Variants in ERMARD observed in about 807,000 individuals in gnomAD.
ERMARD encodes ER membrane associated RNA degradation.
In ERMARD, 71 loss-of-function variants were observed where a neutral mutation model predicts 83.9. That is an observed-to-expected ratio of 0.85 (90% CI 0.70 to 1.03). The LOEUF is 1.03. Ranked by LOEUF, ERMARD falls within the 50% of genes least tolerant of loss-of-function variation. The probability of loss-of-function intolerance (pLI) is 0.00; values close to 1 mark genes in which losing one functional copy is unlikely to be tolerated. For missense variants in ERMARD, 838 were observed against 810.9 expected, an observed-to-expected ratio of 1.03 and a Z score of -0.41; for synonymous variants, 284 against 298.6, an observed-to-expected ratio of 0.95 and a Z score of 0.50.
chr6:169,777,967 T>C (rs1793783642), intron 16 of ERMARD, among the ~76,000 whole-genome samples: 1 of 152,250 alleles, frequency 6.6e-6, no homozygotes, highest in Non-Finnish European at 1.5e-5. Flanking sequence ...TGTGGGTGGC[T>C]GGAGCCTATC....
chr6:169,767,016 T>C (rs1792293697), intron 10 of ERMARD: 1 of 203,256 alleles, frequency 4.9e-6, no homozygotes, highest in South Asian at 1.7e-4. Context: ...GTGGGATACA[T>C]TGATTCATTT....
Position 169,781,600 on chromosome 6 carries a change from C to T in ERMARD, c.*87C>T. On this transcript the variant is annotated 3_prime_UTR_variant, in exon 18 of 18. Coordinates refer to ENST00000366773, the MANE Select transcript of ERMARD (RefSeq NM_018341.3). The stretch of plus-strand genomic sequence containing the variant: ...CCAAAGACAGGGTGGAGTTGAGGGT[C>T]TGCTTGGCCAGGGTCCAGGTTCTGT... The T allele has an allele frequency of 1.6e-6, 2 of 1,280,514 alleles. No individual in the cohort carries two copies. The highest frequency in any genetic ancestry group is 1.1e-6 in the Non-Finnish European group (1 of 943,264). 79.3% of individuals were successfully genotyped at this position (1,280,514 alleles called of 1,614,324 possible). A position where few individuals can be genotyped will look rare whatever the true frequency, so the allele number is the denominator to read the frequency against.
At chr6:169,765,717 G>C (rs574794987) in intron 9 of ERMARD, among the ~76,000 whole-genome samples, 1 of 152,326 alleles carries the variant, frequency 6.6e-6, no homozygotes, top group South Asian at 2.1e-4. Context: ...ATTTAAAATA[G>C]ATTATTAAAC....
At chr6:169,754,154 A>T in intron 2 of ERMARD, 122 bp downstream of exon 2, 1 of 862,316 alleles carries the variant, frequency 1.2e-6, no homozygotes, top group Non-Finnish European at 1.7e-6. Context: ...TACAGGCCTA[A>T]CTCCAAGGAG....
intron 6 of ERMARD, 39 bp from the exon 7 acceptor site, chr6:169,759,799 G>A (rs759932788): frequency 1.9e-6 from 3 of 1,553,576 alleles, no homozygotes; most frequent in East Asian, 2.3e-5. Context: ...AGGCATGATT[G>A]AGTACATTTT....
Position 169,753,901 on chromosome 6 carries a change from C to A in ERMARD, c.44C>A (p.Pro15His). 4 of 1,606,120 alleles carry A rather than the reference C, an allele frequency of 2.5e-6. No homozygotes were observed. The highest frequency in any genetic ancestry group is 3.4e-6 in the Non-Finnish European group (4 of 1,175,490). The change falls in exon 2 of 18, where the codon CCC becomes CAC. Residue 15 changes from proline (P) to histidine (H), a missense_variant. Coordinates refer to ENST00000366773, the MANE Select transcript of ERMARD (RefSeq NM_018341.3). ...IGDPITTCLSPSVYDIICNLG... is the reference protein window; with the variant it reads ...IGDPITTCLSHSVYDIICNLG... ...GACCCTATTACCACATGTCTTTCTCCCTCAGTGTATGATATAATTTGTAAT... is the reference window on the plus strand; with the variant it reads ...GACCCTATTACCACATGTCTTTCTCACTCAGTGTATGATATAATTTGTAAT...
At position 169,776,052 on chromosome 6, in the gene ERMARD, C is replaced by T. The variant is rs745835702; in HGVS notation, c.1507C>T (p.Leu503Phe). The T allele has an allele frequency of 3.7e-6, 6 of 1,613,890 alleles. No individual in the cohort carries two copies. Among genetic ancestry groups the T allele is most frequent in the Non-Finnish European group, 5.1e-6 (6 of 1,179,944 alleles). The change falls in exon 15 of 18, where the codon CTT becomes TTT. Residue 503 changes from leucine to phenylalanine, a missense_variant. Transcript: ENST00000366773. ...TTGTGTGTTAAAGGACTTGGATCGT[C>T]TTCCTACTGAGACGTAAGTTCCAGG... ...NRCVLKDLDRLPTETWPQLLR... is the reference protein window; with the variant it reads ...NRCVLKDLDRFPTETWPQLLR...
At position 169,753,842 on chromosome 6, in the gene ERMARD, TTTA is replaced by T. The variant is rs778743297; in HGVS notation, c.7-19_7-17del. On this transcript the variant is annotated intron_variant, in intron 1 of 17. Coordinates refer to ENST00000366773, the MANE Select transcript of ERMARD (RefSeq NM_018341.3). ...TTTTTCTTTCTGTTAAGCAGTGCCT[TTTA>T]TTTTATTTTATTTTTTAGGTATTAA... is the stretch of plus-strand genomic sequence containing the variant. The T allele has an allele frequency of 2.8e-4, 413 of 1,488,790 alleles. 3 individuals carry two copies. Among genetic ancestry groups the T allele is most frequent in the Non-Finnish European group, 3.5e-4 (392 of 1,117,626 alleles). The allele number at this position is 1,488,790 out of a possible 1,614,324, so 92.2% of individuals were successfully genotyped here.
intron 12 of ERMARD, chr6:169,772,972 CT>C: frequency 2.3e-5 from 5 of 218,706 alleles, no homozygotes; most frequent in East Asian, 9.9e-5. Flanking sequence ...TTATGCGATC[CT>C]TTTTTTAGTT....
chr6:169,759,109 C>A, intron 6 of ERMARD, 44 bp downstream of exon 6: 2 of 1,493,406 alleles, frequency 1.3e-6, no homozygotes, highest in Non-Finnish European at 1.8e-6. Flanking sequence ...TTGGATCTAC[C>A]AAAGAGTTTT....
intron 3 of ERMARD, 152 bp from the exon 4 acceptor site, chr6:169,756,186 G>T: frequency 2.3e-6 from 1 of 427,562 alleles, no homozygotes; most frequent in Non-Finnish European, 4.1e-6. Flanking sequence ...GATTCTTTAG[G>T]CAATATAATT....
intron 5 of ERMARD, 85 bp downstream of exon 5, chr6:169,756,893 A>G (rs2128342558): frequency 7.8e-7 from 1 of 1,275,824 alleles, no homozygotes; most frequent in African/African-American, 1.5e-5. Flanking sequence ...AGGAAGAGAA[A>G]GAGGTTTAAT....
At chr6:169,767,811 A>G (rs571402304) in intron 10 of ERMARD, 17 of 407,350 alleles carry the variant, frequency 4.2e-5, no homozygotes, top group African/African-American at 2.8e-4. Flanking sequence ...ACACAAATGT[A>G]CACACCCCCA....
intron 5 of ERMARD, among the ~76,000 whole-genome samples, 198 bp downstream of exon 5, chr6:169,757,006 A>G (rs2128342626): frequency 6.6e-6 from 1 of 152,310 alleles, no homozygotes; most frequent in South Asian, 2.1e-4. Context: ...GGAAGAAGCA[A>G]AAGTGGAGAC....
intron 8 of ERMARD, among the ~76,000 whole-genome samples, chr6:169,761,021 T>A (rs1010186784): frequency 1.4e-4 from 21 of 152,178 alleles, no homozygotes; most frequent in African/African-American, 5.1e-4. Context: ...TTAGAATGAG[T>A]GAAACATGTT....
intron 17 of ERMARD, 52 bp from the exon 18 acceptor site, chr6:169,781,278 A>T: frequency 6.7e-7 from 1 of 1,484,474 alleles, no homozygotes; most frequent in Non-Finnish European, 9.0e-7. Context: ...CATTTAATTC[A>T]TTGTTTCATT....
At chr6:169,770,064 G>A (rs1434955355) in intron 12 of ERMARD, among the ~76,000 whole-genome samples, 3 of 152,176 alleles carry the variant, frequency 2.0e-5, no homozygotes, top group Non-Finnish European at 4.4e-5. Flanking sequence ...TAGGATATTT[G>A]CATCATCAAT....
At chr6:169,779,012 G>A (rs1398905997) in intron 16 of ERMARD, among the ~76,000 whole-genome samples, 170 bp from the exon 17 acceptor site, 1 of 152,252 alleles carries the variant, frequency 6.6e-6, no homozygotes, top group African/African-American at 2.4e-5. Context: ...CACTCCTGCC[G>A]GCCACGGGCC....
chr6:169,762,362 A>G, intron 8 of ERMARD, 67 bp from the exon 9 acceptor site: 2 of 1,445,768 alleles, frequency 1.4e-6, no homozygotes, highest in South Asian at 2.4e-5. Flanking sequence ...GGCATGAGCC[A>G]CTGCACCTGG....
Sources: allele counts gnomAD v4.1 joint callset (sites outside exome capture counted in the v4.1 genomes callset), GRCh38; gene constraint gnomAD v4.1.1; transcripts MANE v1.5; gene names NCBI Gene and HGNC (gene_info 2026-07-23, HGNC 2026-07-21).